Variants in RYR3 observed in about 807,000 individuals in gnomAD.
RYR3 encodes the protein ryanodine receptor 3.
Under a neutral mutation model 584.3 loss-of-function variants are expected in RYR3, and 207 were observed. That is an observed-to-expected ratio of 0.35 (90% CI 0.32 to 0.40). RYR3 has a LOEUF of 0.40. Among genes scored for constraint, RYR3 ranks in the 10% least tolerant of loss-of-function variants. The pLI, the probability that RYR3 is intolerant of heterozygous loss-of-function variation, is 1.00. For synonymous variants in RYR3, 2,416 were observed against 2,248.5 expected (o/e 1.07, Z -2.11); for missense variants, 5,616 against 6,089.2 (o/e 0.92, Z 2.59).
chr15:33,731,069 AAG>A (rs1031505642), intron 47 of RYR3, among the ~76,000 whole-genome samples: 8 of 152,204 alleles, frequency 5.3e-5, no homozygotes, highest in Admixed American at 1.3e-4. Context: ...TAGGTGAGAA[AAG>A]AGAGCGAAAA....
chr15:33,829,834 C>T (rs1264477503), intron 85 of RYR3, among the ~76,000 whole-genome samples: 2 of 151,972 alleles, frequency 1.3e-5, no homozygotes, highest in Admixed American at 1.3e-4. Flanking sequence ...GATTGCAACC[C>T]TTGTGGGTGA....
At position 33,436,873 on chromosome 15, in the gene RYR3, A is replaced by T. The variant is rs572723552; in HGVS notation, c.52-36546A>T. On this transcript the variant is annotated intron_variant, in intron 1 of 103. Transcript: ENST00000634891. ...TAAGTTATTTATTTTTTGTTTTTTAAGTGGTCCTTATCTACCACAATATCA... is the reference window on the plus strand; with the variant it reads ...TAAGTTATTTATTTTTTGTTTTTTATGTGGTCCTTATCTACCACAATATCA... Among the ~76,000 whole-genome samples the T allele has an allele frequency of 2.0e-5, 3 of 152,208 alleles. No individual in the cohort carries two copies. In the South Asian group the frequency reaches 6.2e-4, roughly 32 times the overall value.
chr15:33,597,972 G>T (rs1328412717), intron 16 of RYR3, among the ~76,000 whole-genome samples: 1 of 150,846 alleles, frequency 6.6e-6, no homozygotes, highest in Non-Finnish European at 1.5e-5. Context: ...CTAGGCAATT[G>T]TCAGCTAAAT....
chr15:33,830,904 G>A (rs899348993), intron 85 of RYR3, 59 bp from the exon 86 acceptor site: 87 of 1,575,262 alleles, frequency 5.5e-5, no homozygotes, highest in African/African-American at 1.8e-4. Context: ...CCCAAACACC[G>A]AGTTTAGCTT....
intron 38 of RYR3, among the ~76,000 whole-genome samples, chr15:33,689,985 C>T (rs569253534): frequency 6.6e-5 from 10 of 152,260 alleles, no homozygotes; most frequent in Non-Finnish European, 1.3e-4. Flanking sequence ...AGAGGTGGCA[C>T]GACTGGAGTT....
At chr15:33,448,867 A>AGTGGCT (rs1567259829) in intron 1 of RYR3, among the ~76,000 whole-genome samples, 1 of 152,096 alleles carries the variant, frequency 6.6e-6, no homozygotes, top group Non-Finnish European at 1.5e-5. Flanking sequence ...GCTGATTGGA[A>AGTGGCT]GTGGCTGCGG....
intron 1 of RYR3, among the ~76,000 whole-genome samples, chr15:33,449,572 A>G (rs1189447638): frequency 6.6e-6 from 1 of 152,236 alleles, no homozygotes; most frequent in Non-Finnish European, 1.5e-5. Flanking sequence ...TAAATATATT[A>G]TAGAAATACA....
intron 31 of RYR3, among the ~76,000 whole-genome samples, chr15:33,650,689 C>T (rs1457049665): frequency 6.6e-6 from 1 of 152,174 alleles, no homozygotes; most frequent in Non-Finnish European, 1.5e-5. Flanking sequence ...CCTCAGTCAG[C>T]ACTGAACCCT....
chr15:33,493,358 C>T (rs1389968363), intron 2 of RYR3, among the ~76,000 whole-genome samples: 7 of 152,178 alleles, frequency 4.6e-5, no homozygotes, highest in Non-Finnish European at 8.8e-5. Flanking sequence ...ATAACATCTT[C>T]ATGGTTTCTC....
intron 38 of RYR3, among the ~76,000 whole-genome samples, chr15:33,692,930 A>G (rs1446666814): frequency 6.6e-6 from 1 of 152,158 alleles, no homozygotes; most frequent in Middle Eastern, 3.2e-3. Context: ...TGGTTTTATT[A>G]TGATTCTGTA....
rs371502315 is a variant in RYR3 at position 33,577,073 on chromosome 15, CT to C, written c.1269-2901del. Among the ~76,000 whole-genome samples the C allele has an allele frequency of 1.6e-4, 25 of 152,256 alleles. No individual in the cohort carries two copies. The South Asian group carries it at 5.2e-3, about 32-fold the overall frequency. ...TACAGCTAACAAGGGAAGTGAAGGA[CT>C]TCTTCAAGGAGAACTTAAAAAACAC... On this transcript the variant is annotated intron_variant, in intron 12 of 103. Coordinates refer to ENST00000634891, the MANE Select transcript of RYR3 (RefSeq NM_001036.6).
chr15:33,400,027 C>T (rs2042548592), intron 1 of RYR3, among the ~76,000 whole-genome samples: 1 of 152,116 alleles, frequency 6.6e-6, no homozygotes, highest in Non-Finnish European at 1.5e-5. Context: ...CATGCCCCTC[C>T]CCTCTTCTTC....
chr15:33,419,376 A>G (rs2044064598), intron 1 of RYR3, among the ~76,000 whole-genome samples: 1 of 152,156 alleles, frequency 6.6e-6, no homozygotes, highest in African/African-American at 2.4e-5. Flanking sequence ...GGGATGGGAA[A>G]TCCATTTCAG....
intron 46 of RYR3, among the ~76,000 whole-genome samples, chr15:33,727,717 G>A (rs1295123363): frequency 3.3e-5 from 5 of 152,128 alleles, no homozygotes; most frequent in Admixed American, 6.5e-5. Flanking sequence ...GGGCTGGCTC[G>A]GACTTAATTT....
intron 3 of RYR3, among the ~76,000 whole-genome samples, chr15:33,509,014 G>T (rs573067482): frequency 6.6e-6 from 1 of 152,120 alleles, no homozygotes; most frequent in African/African-American, 2.4e-5. Context: ...CCGTGTAAAG[G>T]TCCTTAGAGT....
At chr15:33,443,977 TACTC>T (rs1441681521) in intron 1 of RYR3, among the ~76,000 whole-genome samples, 2 of 152,252 alleles carry the variant, frequency 1.3e-5, no homozygotes, top group Non-Finnish European at 2.9e-5. Context: ...GAAATCTACT[TACTC>T]ACACCCTGTA....
chr15:33,326,563 G>A (rs986332992), intron 1 of RYR3, among the ~76,000 whole-genome samples: 1 of 152,172 alleles, frequency 6.6e-6, no homozygotes, highest in African/African-American at 2.4e-5. Context: ...TGAACTGGGG[G>A]TTTCTATAGG....
At chr15:33,761,273 TAG>T (rs2072408814) in intron 60 of RYR3, among the ~76,000 whole-genome samples, 1 of 146,206 alleles carries the variant, frequency 6.8e-6, no homozygotes, top group South Asian at 2.3e-4. Flanking sequence ...ATGAAGGAGA[TAG>T]AGACACGAAA....
chr15:33,571,633 T>C (rs2058033371), intron 12 of RYR3, among the ~76,000 whole-genome samples: 1 of 152,226 alleles, frequency 6.6e-6, no homozygotes. Context: ...CAGATTATGT[T>C]TTTTGTTTGT....
Sources: gnomAD v4.1 joint callset for allele counts (sites outside exome capture counted in the v4.1 genomes callset) on GRCh38, gnomAD v4.1.1 for gene constraint, MANE v1.5 for transcripts, NCBI Gene and HGNC (gene_info 2026-07-23, HGNC 2026-07-21) for gene names.